The following COL23A1 variants were observed in gnomAD, a reference collection of about 807,000 sequenced individuals.
The protein encoded by COL23A1 is collagen alpha-1(XXIII) chain.
A neutral mutation model predicts 99.3 loss-of-function variants in COL23A1; 97 were observed. The ratio of observed to expected loss-of-function variants is 0.98; its 90% CI spans 0.83 to 1.16. The LOEUF (loss-of-function observed/expected upper bound fraction) is 1.16, where lower values mean the gene tolerates loss of function less well. Among genes scored for constraint, COL23A1 ranks in the 50% most tolerant of loss-of-function variants. COL23A1 has a pLI of 0.00. For missense variants in COL23A1, 762 were observed against 757.4 expected (o/e 1.01, Z -0.07); for synonymous variants, 320 against 308.2 (o/e 1.04, Z -0.40).
At chr5:178,518,103 G>T (rs191060420) in intron 2 of COL23A1, among the ~76,000 whole-genome samples, 26 of 110,502 alleles carry the variant, frequency 2.4e-4, no homozygotes, top group Non-Finnish European at 3.8e-4. Flanking sequence ...TGACTCTTAA[G>T]GAGCATGCTG....
Position 178,285,396 on chromosome 5 carries a change from AAAAC to A in COL23A1, c.441+2924_441+2927del, listed in dbSNP as rs549836429. On this transcript the variant is annotated intron_variant, in intron 5 of 28. Transcript: ENST00000390654. ...TTTACTAAGCTACAAAAAAACACAA[AAAAC>A]AAACAAACAAAACAAAAAACCAAAA... Among the ~76,000 whole-genome samples the A allele has an allele frequency of 4.6e-3, 697 of 152,348 alleles. 7 individuals are homozygous for A. Among genetic ancestry groups the A allele is most frequent in the African/African-American group, 0.016 (666 of 41,576 alleles).
At chr5:178,472,276 G>A (rs745953759) in intron 2 of COL23A1, among the ~76,000 whole-genome samples, 5 of 152,144 alleles carry the variant, frequency 3.3e-5, no homozygotes, top group African/African-American at 7.2e-5. Flanking sequence ...ACTCTCAGTC[G>A]AATCAACTGA....
In COL23A1 at chr5:178,589,726, G is replaced by T. The variant is rs1191863933; in HGVS notation, c.294+178C>A. On this transcript the variant is annotated intron_variant, in intron 1 of 28. Transcript: ENST00000390654. This position sits in a 1 kb window ranked among gnomAD's most constrained non-coding sequence, Gnocchi z 5.4. The stretch of plus-strand genomic sequence containing the variant: ...GGAGACCGCAAAACCCCTTGGGGCC[G>T]GCACCCCCTGCCTCCGCCTTGGCGC... Among the ~76,000 whole-genome samples the T allele has an allele frequency of 6.6e-6, 1 of 151,954 alleles. No homozygotes were observed. The highest frequency in any genetic ancestry group is 1.5e-5 in the Non-Finnish European group (1 of 67,976).
intron 2 of COL23A1, among the ~76,000 whole-genome samples, chr5:178,455,257 G>C (rs1169469549): frequency 6.6e-6 from 1 of 152,196 alleles, no homozygotes; most frequent in Non-Finnish European, 1.5e-5. Flanking sequence ...GAAAAGTCAC[G>C]CACGGGCCTG....
intron 2 of COL23A1, among the ~76,000 whole-genome samples, chr5:178,364,140 CCG>C (rs1010778841): frequency 1.3e-5 from 2 of 152,180 alleles, no homozygotes; most frequent in African/African-American, 4.8e-5. Flanking sequence ...ACATTTAAAG[CCG>C]CGTGTGCTTT....
At chr5:178,348,279 ATGATCACC>A (rs1761105518) in intron 2 of COL23A1, among the ~76,000 whole-genome samples, 1 of 152,114 alleles carries the variant, frequency 6.6e-6, no homozygotes, top group Admixed American at 6.5e-5. Flanking sequence ...ACTCTGGGCT[ATGATCACC>A]TGCTTTCTTC....
At chr5:178,479,331 C>G (rs144851411) in intron 2 of COL23A1, among the ~76,000 whole-genome samples, 4 of 152,170 alleles carry the variant, frequency 2.6e-5, no homozygotes, top group African/African-American at 9.7e-5. Flanking sequence ...CTCACTCCCA[C>G]GCCTGTGCTC....
intron 2 of COL23A1, among the ~76,000 whole-genome samples, chr5:178,510,636 G>A (rs1759150268): frequency 6.6e-6 from 1 of 151,814 alleles, no homozygotes; most frequent in East Asian, 1.9e-4. Context: ...CCTGCACATT[G>A]TGTACATGTA....
At chr5:178,409,172 C>A (rs1439353022) in intron 2 of COL23A1, among the ~76,000 whole-genome samples, 2 of 152,064 alleles carry the variant, frequency 1.3e-5, no homozygotes, top group Non-Finnish European at 2.9e-5. Flanking sequence ...AAATATCCAA[C>A]AATAAGTAGG....
rs1028824318 is a variant in COL23A1 at position 178,434,990 on chromosome 5, C to T, written c.361+125692G>A. Among the ~76,000 whole-genome samples the T allele has an allele frequency of 2.6e-5, 4 of 152,120 alleles. No homozygotes were observed. Among genetic ancestry groups the T allele is most frequent in the African/African-American group, 9.7e-5 (4 of 41,416 alleles). The stretch of plus-strand genomic sequence containing the variant: ...TGCTGCAAGGGAGGGGGTCGGCACC[C>T]GTCCAGCACCGCTCGCTCGATTTCC... On this transcript the variant is annotated intron_variant, in intron 2 of 28. Coordinates refer to ENST00000390654, the MANE Select transcript of COL23A1 (RefSeq NM_173465.4). This position sits in a 1 kb window ranked among gnomAD's most constrained non-coding sequence, Gnocchi z 4.3.
chr5:178,264,829 A>C (rs1401001153), intron 8 of COL23A1, among the ~76,000 whole-genome samples: 2 of 152,284 alleles, frequency 1.3e-5, no homozygotes, highest in Non-Finnish European at 2.9e-5. Context: ...TATTTTTAGT[A>C]CAGACGGGGT....
intron 2 of COL23A1, among the ~76,000 whole-genome samples, chr5:178,541,792 T>G (rs956795164): frequency 6.6e-6 from 1 of 152,112 alleles, no homozygotes; most frequent in South Asian, 2.1e-4. Flanking sequence ...TGCAGCAACA[T>G]AGATGAATCT....
At chr5:178,240,980 C>T (rs985110803) in intron 27 of COL23A1, among the ~76,000 whole-genome samples, 13 of 152,220 alleles carry the variant, frequency 8.5e-5, no homozygotes, top group Non-Finnish European at 1.5e-4. Context: ...GTGGCTCACA[C>T]CTGTCGTCCC....
chr5:178,579,516 A>G (rs1005586598), intron 1 of COL23A1, among the ~76,000 whole-genome samples: 2 of 152,148 alleles, frequency 1.3e-5, no homozygotes, highest in East Asian at 1.9e-4. Flanking sequence ...TGTGGTGGCG[A>G]GATCTCGGCT....
intron 1 of COL23A1, among the ~76,000 whole-genome samples, chr5:178,561,680 GA>G (rs951446291): frequency 3.3e-5 from 5 of 151,596 alleles, no homozygotes; most frequent in East Asian, 1.9e-4. Context: ...TTCTCTAGGG[GA>G]AAAAAAAATC....
chr5:178,526,513 A>G (rs569093431), intron 2 of COL23A1, among the ~76,000 whole-genome samples: 2 of 152,306 alleles, frequency 1.3e-5, no homozygotes, highest in Non-Finnish European at 2.9e-5. Flanking sequence ...GCCCACCAGG[A>G]GGGCATCTGC....
chr5:178,548,798 C>T (rs570432135), intron 2 of COL23A1, among the ~76,000 whole-genome samples: 1 of 152,218 alleles, frequency 6.6e-6, no homozygotes, highest in Admixed American at 6.5e-5. Flanking sequence ...GTGGCATTTG[C>T]TTTCTATACA....
chr5:178,285,113 T>A (rs1055608109), intron 5 of COL23A1, among the ~76,000 whole-genome samples: 1 of 152,206 alleles, frequency 6.6e-6, no homozygotes, highest in Non-Finnish European at 1.5e-5. Context: ...CGGGCCCTTG[T>A]CGGCTCTGAC....
chr5:178,290,520 G>A lies in COL23A1; in HGVS notation c.407-151C>T, dbSNP rs147875236. On this transcript the variant is annotated intron_variant, in intron 3 of 28. Coordinates refer to ENST00000390654, the MANE Select transcript of COL23A1 (RefSeq NM_173465.4). ...TGCTGCCATGGCTGTTTCCTGCCACGGCCTGAAGCTGGGGGCAGAGCAGAA... is the reference window on the plus strand; with the variant it reads ...TGCTGCCATGGCTGTTTCCTGCCACAGCCTGAAGCTGGGGGCAGAGCAGAA... 1.9e-4 allele frequency: 194 copies of A among 1,032,662 alleles called. No homozygotes were observed. In the Middle Eastern group the frequency reaches 2.2e-3, roughly 12 times the overall value. The allele number at this position is 1,032,662 out of a possible 1,614,324, so 64.0% of individuals were successfully genotyped here. A position where few individuals can be genotyped will look rare whatever the true frequency, so the allele number is the denominator to read the frequency against.
Sources: gnomAD v4.1 joint callset for allele counts (sites outside exome capture counted in the v4.1 genomes callset) on GRCh38, gnomAD v4.1.1 for gene constraint, Gnocchi (gnomAD v3.1) non-coding constraint, MANE v1.5 for transcripts, NCBI Gene and HGNC (gene_info 2026-07-23, HGNC 2026-07-21) for gene names.